The following IFFO1 variants were observed in gnomAD, a reference collection of about 807,000 sequenced individuals.
IFFO1 encodes the protein intermediate filament family orphan 1.
Under a neutral mutation model 59.6 loss-of-function variants are expected in IFFO1, and 42 were observed. The observed-to-expected ratio is 0.70, with a 90% CI of 0.55 to 0.91. IFFO1 has a LOEUF of 0.91. IFFO1 is among the 40% of genes least tolerant of loss of function. The pLI is 0.00. For synonymous variants in IFFO1, 336 were observed against 342.8 expected (o/e 0.98, Z 0.22); for missense variants, 711 against 793.2 (o/e 0.90, Z 1.24).
intron 8 of IFFO1, among the ~76,000 whole-genome samples, chr12:6,546,707 T>C (rs1464353240): frequency 1.3e-5 from 2 of 152,184 alleles, no homozygotes; most frequent in Middle Eastern, 3.4e-3. Context: ...GCCAGGATGG[T>C]CTCGATCTCC....
Position 6,549,515 on chromosome 12 carries a change from G to A in IFFO1, c.1072-31C>T. On this transcript the variant is annotated intron_variant, in intron 4 of 9. Transcript: ENST00000619571. This position sits in a 1 kb window ranked among gnomAD's most constrained non-coding sequence, Gnocchi z 5.0. ...GAGGAAGCAAGAGAGAAGATGAGAG[G>A]AAGAGAGGAGAGGAAGCAGACAGAG... The A allele has an allele frequency of 1.3e-6, 2 of 1,584,642 alleles. No individual in the cohort carries two copies. The highest frequency in any genetic ancestry group is 1.7e-5 in the Admixed American group (1 of 59,956).
chr12:6,544,428 C>A (rs1946860922), intron 8 of IFFO1, among the ~76,000 whole-genome samples: 1 of 152,176 alleles, frequency 6.6e-6, no homozygotes, highest in African/African-American at 2.4e-5. Flanking sequence ...GTTGGCCTCC[C>A]AAAGTGCTGG....
Position 6,540,564 on chromosome 12 carries a change from G to T in IFFO1, c.1635C>A (p.Val545=). ...GCGGCGGCGGCGGGTCGCTAAGCGGGACCGCAGTGAAAGCAGGAGACTTTC... is the reference window on the plus strand; with the variant it reads ...GCGGCGGCGGCGGGTCGCTAAGCGGTACCGCAGTGAAAGCAGGAGACTTTC... ...GDRKSPAFTA[V]PLSDPPPPPS... is the part of the protein sequence containing the mutation. The change falls in exon 10 of 10, where the codon GTC becomes GTA. Residue 545 remains valine (V), a synonymous_variant. Coordinates refer to ENST00000619571, the MANE Select transcript of IFFO1 (RefSeq NM_001193457.2). The T allele has an allele frequency of 1.2e-6, 2 of 1,613,864 alleles. No individual in the cohort carries two copies.
intron 8 of IFFO1, among the ~76,000 whole-genome samples, chr12:6,542,616 G>A (rs1946768800): frequency 1.3e-5 from 2 of 152,244 alleles, no homozygotes; most frequent in African/African-American, 4.8e-5. Flanking sequence ...AGACAGCAGA[G>A]ATGGTCAGGA....
Position 6,541,499 on chromosome 12 carries a change from G to A in IFFO1, c.1610+13C>T, listed in dbSNP as rs777379798. 6.2e-7 allele frequency: 1 copy of A among 1,612,958 alleles called. No homozygotes were observed. Among genetic ancestry groups the A allele is most frequent in the Admixed American group, 1.7e-5 (1 of 60,026 alleles). On this transcript the variant is annotated intron_variant, in intron 9 of 9. Transcript: ENST00000619571. The surrounding 1 kb of genome is among the most constrained non-coding windows in gnomAD (Gnocchi z 4.8). ...TCCCCCTGGAAGGCCCCATGCCCAG[G>A]GGAGGCGCCTACCGGTCTCCAGACT...
chr12:6,550,035 C>T, intron 3 of IFFO1, 139 bp from the exon 4 acceptor site: 1 of 927,832 alleles, frequency 1.1e-6, no homozygotes. Flanking sequence ...CTGACTGCAC[C>T]CCTCTTCCTG....
Position 6,541,773 on chromosome 12 carries a change from T to C in IFFO1, c.1480-131A>G. The stretch of plus-strand genomic sequence containing the variant: ...GGCCCAGGCAGCCATTACTGAAGGC[T>C]CAGATTTTAAAATAAACCAGACCAA... On this transcript the variant is annotated intron_variant, in intron 8 of 9. Transcript: ENST00000619571. The surrounding 1 kb of genome is among the most constrained non-coding windows in gnomAD (Gnocchi z 4.8). 1.8e-6 allele frequency: 2 copies of C among 1,086,624 alleles called. No homozygotes were observed. The highest frequency in any genetic ancestry group is 2.7e-6 in the Non-Finnish European group (2 of 747,122). 67.3% of individuals were successfully genotyped at this position (1,086,624 alleles called of 1,614,324 possible).
Position 6,555,775 on chromosome 12 carries a change from G to A in IFFO1, c.255C>T (p.Arg85=), listed in dbSNP as rs756409183. 1.9e-6 allele frequency: 3 copies of A among 1,613,148 alleles called. No individual in the cohort carries two copies. The highest frequency in any genetic ancestry group is 1.3e-5 in the African/African-American group (1 of 74,828). Residue 85 remains arginine (R), a synonymous_variant, in exon 1 of 10, where the codon CGC becomes CGT. Transcript: ENST00000619571. This position sits in a 1 kb window ranked among gnomAD's most constrained non-coding sequence, Gnocchi z 8.6. The stretch of plus-strand genomic sequence containing the variant: ...GCTCATGCACCTTGGCCAGGAAGCA[G>A]CGGAACCGGAGGTTCAGGGTCTTGA... The part of the protein sequence containing the change: ...NVLKTLNLRF[R]CFLAKVHELE...
chr12:6,553,208 A>G (rs937963468), intron 1 of IFFO1, among the ~76,000 whole-genome samples: 4 of 152,176 alleles, frequency 2.6e-5, no homozygotes, highest in African/African-American at 9.7e-5. Flanking sequence ...ATCACGCACC[A>G]TCCGAATCCA....
rs535639868 is a variant in IFFO1 at position 6,540,450 on chromosome 12, C to T, written c.*33G>A. ...CTCTGCCTCGCTGAGCTCCCTGCTG[C>T]GAGGGCCTCGGGTGCAAGGGGGAGG... is the stretch of plus-strand genomic sequence containing the variant. On this transcript the variant is annotated 3_prime_UTR_variant, in exon 10 of 10. Transcript: ENST00000619571. 4.4e-5 allele frequency: 68 copies of T among 1,548,764 alleles called. No individual in the cohort carries two copies. Among genetic ancestry groups the T allele is most frequent in the Non-Finnish European group, 5.6e-5 (63 of 1,120,878 alleles).
chr12:6,549,308 AAG>A lies in IFFO1; in HGVS notation c.1080+166_1080+167del, dbSNP rs1947128675. On this transcript the variant is annotated intron_variant, in intron 5 of 9. Transcript: ENST00000619571. This position sits in a 1 kb window ranked among gnomAD's most constrained non-coding sequence, Gnocchi z 5.0. ...AGAAGGGAGAGAAAGAAATGCAGTC[AAG>A]AGAACAAGAGATAGAGAGAAAAAGG... The A allele has an allele frequency of 1.5e-6, 1 of 685,266 alleles. No individual in the cohort carries two copies. Among genetic ancestry groups the A allele is most frequent in the South Asian group, 1.8e-5 (1 of 55,514 alleles). 42.4% of individuals were successfully genotyped at this position (685,266 alleles called of 1,614,324 possible).
rs756646482 is a variant in IFFO1, at chr12:6,540,648, ACTC to A, written c.1611-63_1611-61del. ...GGCAGGAATCCTGAAGACGGACGGC[ACTC>A]CTCCTCCTGCTGCCTCACCCTCTGG... is the stretch of plus-strand genomic sequence containing the variant. On this transcript the variant is annotated intron_variant, in intron 9 of 9. Coordinates refer to ENST00000619571, the MANE Select transcript of IFFO1 (RefSeq NM_001193457.2). The A allele has an allele frequency of 2.8e-5, 39 of 1,389,842 alleles. No homozygotes were observed. In the African/African-American group the frequency reaches 2.8e-4, roughly 10 times the overall value. The allele number at this position is 1,389,842 out of a possible 1,614,324, so 86.1% of individuals were successfully genotyped here.
At position 6,555,473 on chromosome 12, in the gene IFFO1, GAATA is replaced by G. The variant is rs748803273; in HGVS notation, c.553_556del (p.Tyr185ProfsTer63). The G allele has an allele frequency of 1.2e-6, 2 of 1,612,562 alleles. No individual in the cohort carries two copies. The highest frequency in any genetic ancestry group is 3.3e-5 in the Admixed American group (2 of 59,740). ...GCCGGGCATGAAGCGGGCCGACGAG[GAATA>G]GGTGGTGGAGGTGGAGGTGGAGGAC... is the stretch of plus-strand genomic sequence containing the variant. On this transcript the variant is annotated frameshift_variant, in exon 1 of 10. Transcript: ENST00000619571. LOFTEE classifies it high-confidence loss of function. This position sits in a 1 kb window ranked among gnomAD's most constrained non-coding sequence, Gnocchi z 8.6.
In IFFO1 at chr12:6,555,534, G is replaced by T. The variant is rs771061653; in HGVS notation, c.496C>A (p.Pro166Thr). The change falls in exon 1 of 10, where the codon CCC (proline) becomes ACC (threonine). Residue 166 changes from proline (P) to threonine (T), a missense_variant. Pro to Thr is a conservative substitution (Grantham distance 38). This residue lies in a region of IFFO1 where 579 missense variants were observed against 650.3 expected (regional missense o/e 0.89). Transcript: ENST00000619571. This position sits in a 1 kb window ranked among gnomAD's most constrained non-coding sequence, Gnocchi z 8.6. The stretch of plus-strand genomic sequence containing the variant: ...AGGCTGGCCGCGGAGGGCGCGAGGG[G>T]GCCGGCCGGGGAGCGCGCGGGCGAG... Reference protein sequence around the residue: ...LGSPARSPAGPLAPSAASLSS... With the variant: ...LGSPARSPAGTLAPSAASLSS... 4 of 1,549,100 alleles carry T rather than the reference G, an allele frequency of 2.6e-6. No individual in the cohort carries two copies. The highest frequency in any genetic ancestry group is 3.5e-6 in the Non-Finnish European group (4 of 1,149,212).
intron 1 of IFFO1, among the ~76,000 whole-genome samples, chr12:6,554,136 G>A (rs890568542): frequency 6.6e-6 from 1 of 151,924 alleles, no homozygotes; most frequent in Non-Finnish European, 1.5e-5. Flanking sequence ...ACTCCAGCAG[G>A]GTGGAGATCC....
intron 1 of IFFO1, chr12:6,551,750 G>C: frequency 2.9e-6 from 1 of 348,106 alleles, no homozygotes; most frequent in Non-Finnish European, 5.7e-6. Flanking sequence ...AAGGGGCCCG[G>C]TGAGTACGGC....
chr12:6,540,165 G>A lies in IFFO1; in HGVS notation c.*318C>T, dbSNP rs1413062528. Reference sequence around the variant, plus strand: ...GGTCCCACATTCACATTCCTGATACGTGGACAAGGTGAGGGGCCGCAATCG... The same window carrying A: ...GGTCCCACATTCACATTCCTGATACATGGACAAGGTGAGGGGCCGCAATCG... On this transcript the variant is annotated 3_prime_UTR_variant, in exon 10 of 10. Coordinates refer to ENST00000619571, the MANE Select transcript of IFFO1 (RefSeq NM_001193457.2). 9 of 453,290 alleles carry A rather than the reference G, an allele frequency of 2.0e-5. No individual in the cohort carries two copies. Among genetic ancestry groups the A allele is most frequent in the South Asian group, 1.6e-4 (7 of 42,524 alleles). The allele number at this position is 453,290 out of a possible 1,614,324, so 28.1% of individuals were successfully genotyped here. A position where few individuals can be genotyped will look rare whatever the true frequency, so the allele number is the denominator to read the frequency against.
In IFFO1 at chr12:6,555,206, G is replaced by T. The variant is rs746654280; in HGVS notation, c.773+51C>A. 1.9e-6 allele frequency: 3 copies of T among 1,581,446 alleles called. No individual in the cohort carries two copies. The highest frequency in any genetic ancestry group is 2.6e-6 in the Non-Finnish European group (3 of 1,151,440). Reference sequence around the variant, plus strand: ...CGGAACCCACACCAACTCGCGGCCCGTTGTGAGTGGTATGACACAGAGAGA... The same window carrying T: ...CGGAACCCACACCAACTCGCGGCCCTTTGTGAGTGGTATGACACAGAGAGA... On this transcript the variant is annotated intron_variant, in intron 1 of 9. Transcript: ENST00000619571. This position sits in a 1 kb window ranked among gnomAD's most constrained non-coding sequence, Gnocchi z 8.6.
Position 6,549,608 on chromosome 12 carries a change from C to A in IFFO1, c.1072-124G>T. ...CACGATGCCCCTCCTGATGCTGCTC[C>A]TTACCCCCCAGTCTAGCCCCGTGAG... On this transcript the variant is annotated intron_variant, in intron 4 of 9. Transcript: ENST00000619571. The surrounding 1 kb of genome is among the most constrained non-coding windows in gnomAD (Gnocchi z 5.0). 1.5e-6 allele frequency: 2 copies of A among 1,353,040 alleles called. No homozygotes were observed. The highest frequency in any genetic ancestry group is 2.1e-6 in the Non-Finnish European group (2 of 956,032). 83.8% of individuals were successfully genotyped at this position (1,353,040 alleles called of 1,614,324 possible).
Sources: gnomAD v4.1 joint callset for allele counts (sites outside exome capture counted in the v4.1 genomes callset) on GRCh38, gnomAD v4.1.1 for gene constraint, gnomAD v4.1.1 regional missense constraint, Gnocchi (gnomAD v3.1) non-coding constraint, MANE v1.5 for transcripts, NCBI Gene and HGNC (gene_info 2026-07-23, HGNC 2026-07-21) for gene names.